MACROD2: variants seen among roughly 807,000 people sequenced by gnomAD.
The protein encoded by MACROD2 is ADP-ribose glycohydrolase MACROD2.
Under a neutral mutation model 70.4 loss-of-function variants are expected in MACROD2, and 36 were observed. The observed-to-expected ratio is 0.51, with a 90% confidence interval of 0.39 to 0.68. The LOEUF (loss-of-function observed/expected upper bound fraction) is 0.68, where lower values mean the gene tolerates loss of function less well. Among genes scored for constraint, MACROD2 ranks in the 30% least tolerant of loss-of-function variants. The pLI is 0.00. For missense variants in MACROD2, 496 were observed against 538.4 expected, an observed-to-expected ratio of 0.92 and a Z score of 0.78; for synonymous variants, 172 against 178.8, an observed-to-expected ratio of 0.96 and a Z score of 0.30.
chr20:15,026,148 G>T (rs2122981562), intron 5 of MACROD2, among the ~76,000 whole-genome samples: 1 of 152,278 alleles, frequency 6.6e-6, no homozygotes, highest in East Asian at 1.9e-4. Context: ...GAAAACAAAA[G>T]CTTCCCTGGT....
intron 6 of MACROD2, among the ~76,000 whole-genome samples, chr20:15,413,390 AT>A (rs1296647914): frequency 6.6e-6 from 1 of 152,162 alleles, no homozygotes; most frequent in Non-Finnish European, 1.5e-5. Context: ...CCCCTTAGTA[AT>A]TTCCGAAGTT....
intron 5 of MACROD2, among the ~76,000 whole-genome samples, chr20:15,112,479 C>T (rs2075962275): frequency 6.6e-6 from 1 of 152,052 alleles, no homozygotes; most frequent in African/African-American, 2.4e-5. Flanking sequence ...TAATTCCTCA[C>T]TACTCCATTA....
At chr20:15,271,311 G>T (rs2077344066) in intron 6 of MACROD2, among the ~76,000 whole-genome samples, 1 of 152,108 alleles carries the variant, frequency 6.6e-6, no homozygotes, top group African/African-American at 2.4e-5. Flanking sequence ...TTTTAGAAGG[G>T]CGCTAATCCC....
chr20:15,800,752 G>T (rs1216307167), intron 8 of MACROD2, among the ~76,000 whole-genome samples: 1 of 152,130 alleles, frequency 6.6e-6, no homozygotes, highest in Non-Finnish European at 1.5e-5. Flanking sequence ...AGAAAGGGGG[G>T]AAAGGAGGGG....
At chr20:15,064,199 C>G (rs2123088513) in intron 5 of MACROD2, among the ~76,000 whole-genome samples, 1 of 152,240 alleles carries the variant, frequency 6.6e-6, no homozygotes, top group South Asian at 2.1e-4. Context: ...TACGTGACCC[C>G]TTCACCAAAG....
intron 4 of MACROD2, among the ~76,000 whole-genome samples, chr20:14,624,457 T>G (rs1426488072): frequency 3.9e-5 from 6 of 152,034 alleles, no homozygotes; most frequent in Non-Finnish European, 7.4e-5. Flanking sequence ...GCCACTAGAG[T>G]CATATAATCT....
chr20:15,598,655 A>G (rs1049821221), intron 8 of MACROD2, among the ~76,000 whole-genome samples: 53 of 152,352 alleles, frequency 3.5e-4, no homozygotes, highest in African/African-American at 1.2e-3. Context: ...CAGGGCATTC[A>G]GAGGGAAGAT....
intron 11 of MACROD2, among the ~76,000 whole-genome samples, chr20:15,935,555 T>G (rs1219965580): frequency 3.3e-5 from 5 of 152,214 alleles, no homozygotes. Context: ...TTTGATTATA[T>G]AGCTCTGCAG....
intron 7 of MACROD2, 74 bp downstream of exon 7, chr20:15,431,509 TAA>T (rs1452960964): frequency 1.5e-6 from 2 of 1,370,384 alleles, no homozygotes; most frequent in Non-Finnish European, 2.1e-6. Flanking sequence ...AGTGAAAAAA[TAA>T]GAGGTTCTCT....
intron 3 of MACROD2, among the ~76,000 whole-genome samples, chr20:14,457,314 T>C (rs531523938): frequency 6.6e-6 from 1 of 152,220 alleles, no homozygotes; most frequent in African/African-American, 2.4e-5. Flanking sequence ...CACTGGGATT[T>C]ACAGCTTTCA....
chr20:15,230,725 G>A (rs2076952790), intron 6 of MACROD2, among the ~76,000 whole-genome samples: 1 of 152,024 alleles, frequency 6.6e-6, no homozygotes, highest in Non-Finnish European at 1.5e-5. Flanking sequence ...TGAGATGAAA[G>A]GAATTCTCTT....
At chr20:15,235,433 G>A (rs2077005269) in intron 6 of MACROD2, among the ~76,000 whole-genome samples, 1 of 152,174 alleles carries the variant, frequency 6.6e-6, no homozygotes, top group South Asian at 2.1e-4. Flanking sequence ...GGATCCCTCA[G>A]AGCTAACTGA....
At chr20:14,279,444 A>ATT (rs73619827) in intron 3 of MACROD2, among the ~76,000 whole-genome samples, 8 of 151,496 alleles carry the variant, frequency 5.3e-5, no homozygotes, top group African/African-American at 4.8e-5. Flanking sequence ...CCTTAAGTTG[A>ATT]TTTTTTTTTC....
intron 4 of MACROD2, among the ~76,000 whole-genome samples, chr20:14,514,773 A>G (rs754513128): frequency 8.5e-5 from 13 of 152,092 alleles, no homozygotes; most frequent in Admixed American, 1.3e-4. Context: ...AAGACCTAGG[A>G]TACAATGGAT....
At chr20:14,795,985 C>T (rs114700168) in intron 5 of MACROD2, among the ~76,000 whole-genome samples, 1 of 152,008 alleles carries the variant, frequency 6.6e-6, no homozygotes. Flanking sequence ...TTAGATTTGG[C>T]CACATGGAGA....
intron 3 of MACROD2, among the ~76,000 whole-genome samples, chr20:14,305,222 A>G (rs973818776): frequency 2.6e-5 from 4 of 152,060 alleles, no homozygotes; most frequent in Admixed American, 2.6e-4. Context: ...TGTTTATCTA[A>G]AATATAGACC....
chr20:14,905,308 G>T (rs1055269912), intron 5 of MACROD2: 1 of 152,148 alleles, frequency 6.6e-6, no homozygotes, highest in Non-Finnish European at 1.5e-5. Context: ...AGAATAGCAT[G>T]AGCTGGGAAT....
chr20:14,989,478 C>CAGGCAGATTCAAGAAAAGGGAGTGG (rs2074880922), intron 5 of MACROD2, among the ~76,000 whole-genome samples: 2 of 152,090 alleles, frequency 1.3e-5, no homozygotes, highest in Non-Finnish European at 2.9e-5. Flanking sequence ...AAGGGCAGTG[C>CAGGCAGATTCAAGAAAAGGGAGTGG]AGGCAGATTC....
intron 6 of MACROD2, among the ~76,000 whole-genome samples, chr20:15,352,711 GACAA>G (rs748626984): frequency 6.6e-6 from 1 of 152,060 alleles, no homozygotes; most frequent in African/African-American, 2.4e-5. Flanking sequence ...ACCAATAAGA[GACAA>G]ACAGAGAGCC....
Sources: gnomAD v4.1 joint callset for allele counts (sites outside exome capture counted in the v4.1 genomes callset) on GRCh38, gnomAD v4.1.1 for gene constraint, MANE v1.5 for transcripts, NCBI Gene and HGNC (gene_info 2026-07-23, HGNC 2026-07-21) for gene names.